CDK6: variants seen among roughly 807,000 people sequenced by gnomAD.
CDK6 encodes cyclin dependent kinase 6.
A neutral mutation model predicts 37.1 loss-of-function variants in CDK6; 6 were observed. The ratio of observed to expected loss-of-function variants is 0.16; its 90% CI spans 0.09 to 0.32. The LOEUF is 0.32. Ranked by LOEUF, CDK6 falls within the 10% of genes least tolerant of loss-of-function variation. The pLI, the probability that CDK6 is intolerant of heterozygous loss-of-function variation, is 1.00. For missense variants in CDK6, 224 were observed against 418.9 expected (o/e 0.53, Z 4.06); for synonymous variants, 160 against 161.3 (o/e 0.99, Z 0.06).
intron 4 of CDK6, among the ~76,000 whole-genome samples, chr7:92,674,516 T>A (rs903286812): frequency 4.6e-5 from 7 of 152,246 alleles, no homozygotes; most frequent in Non-Finnish European, 8.8e-5. Context: ...ACCAGTCATT[T>A]CCAAAAGGGA....
Position 92,774,702 on chromosome 7 carries a change from G to A in CDK6, c.363C>T (p.Thr121=), listed in dbSNP as rs142730003. 4 of 1,602,992 alleles carry A rather than the reference G, an allele frequency of 2.5e-6. No individual in the cohort carries two copies. The highest frequency in any genetic ancestry group is 2.6e-6 in the Non-Finnish European group (3 of 1,176,088). Residue 121 remains threonine (T), a synonymous_variant, in exon 3 of 8, where the codon ACC becomes ACT. Transcript: ENST00000424848. ...TGAAGATGATTCTTGATACCTTTAT[G>A]GTTTCAGTGGGCACTCCAGGCTCTG... is the stretch of plus-strand genomic sequence containing the variant. The part of the protein sequence containing the change: ...KVPEPGVPTE[T]IKDMMFQLLR...
chr7:92,663,654 T>C (rs1018470869), intron 5 of CDK6, among the ~76,000 whole-genome samples: 1 of 151,242 alleles, frequency 6.6e-6, no homozygotes, highest in East Asian at 2.0e-4. Flanking sequence ...TGAGCCGAGA[T>C]TGCACCACTG....
chr7:92,722,697 C>T (rs1307097833), intron 4 of CDK6, among the ~76,000 whole-genome samples: 2 of 152,188 alleles, frequency 1.3e-5, no homozygotes, highest in Non-Finnish European at 2.9e-5. Flanking sequence ...AGCTCCTTCT[C>T]TATTCCTGTT....
intron 2 of CDK6, among the ~76,000 whole-genome samples, chr7:92,803,857 A>G (rs1800655261): frequency 6.6e-6 from 1 of 152,236 alleles, no homozygotes; most frequent in Non-Finnish European, 1.5e-5. Context: ...GGTTAATATC[A>G]AACTATGACA....
chr7:92,708,342 C>T, intron 4 of CDK6, among the ~76,000 whole-genome samples: 1 of 152,138 alleles, frequency 6.6e-6, no homozygotes, highest in Middle Eastern at 3.2e-3. Context: ...TTACCAATTG[C>T]TATTTGGTGA....
chr7:92,644,582 G>C (rs768214337), intron 5 of CDK6, among the ~76,000 whole-genome samples: 3 of 152,128 alleles, frequency 2.0e-5, no homozygotes, highest in Non-Finnish European at 4.4e-5. Context: ...TGTGAAATCT[G>C]CTCCTGATGC....
In CDK6 at chr7:92,605,150, C is replaced by T. The variant is rs1295065993; in HGVS notation, c.*9990G>A. 8.6e-6 allele frequency: 2 copies of T among 232,838 alleles called. No homozygotes were observed. The highest frequency in any genetic ancestry group is 1.8e-4 in the South Asian group (1 of 5,522). The allele number at this position is 232,838 out of a possible 1,614,324, so 14.4% of individuals were successfully genotyped here. A position where few individuals can be genotyped will look rare whatever the true frequency, so the allele number is the denominator to read the frequency against. On this transcript the variant is annotated 3_prime_UTR_variant, in exon 8 of 8. Transcript: ENST00000424848. ...TTTGCCTCATTCAATTTAGCTTTCA[C>T]ATAAGTGAACACATTGGACAGTGAT...
chr7:92,688,581 T>TCACACACACACACACACACA (rs35953301), intron 4 of CDK6, among the ~76,000 whole-genome samples: 1 of 127,506 alleles, frequency 7.8e-6, no homozygotes, highest in Non-Finnish European at 1.7e-5. Flanking sequence ...TACATATACA[T>TCACACACACACACACACACA]CACACACACA....
At position 92,652,516 on chromosome 7, in the gene CDK6, C is replaced by G. The variant is rs186644022; in HGVS notation, c.647+18910G>C. ...GTCATACTTAATTAGACTTTTAAATCTGATGGTACACTCTGCCTGAAGCTT... is the reference window on the plus strand; with the variant it reads ...GTCATACTTAATTAGACTTTTAAATGTGATGGTACACTCTGCCTGAAGCTT... On this transcript the variant is annotated intron_variant, in intron 5 of 7. Transcript: ENST00000424848. Among the ~76,000 whole-genome samples, 142 of 152,240 alleles carry G rather than the reference C, an allele frequency of 9.3e-4. 1 individual carries two copies. Among genetic ancestry groups the G allele is most frequent in the African/African-American group, 3.2e-3 (133 of 41,530 alleles).
chr7:92,677,038 A>G (rs1797221526), intron 4 of CDK6, among the ~76,000 whole-genome samples: 1 of 152,006 alleles, frequency 6.6e-6, no homozygotes, highest in Non-Finnish European at 1.5e-5. Context: ...ATCACTTCAC[A>G]TTTAATAAGT....
intron 4 of CDK6, among the ~76,000 whole-genome samples, chr7:92,676,951 C>T (rs1446199369): frequency 1.0e-4 from 15 of 146,114 alleles, no homozygotes; most frequent in African/African-American, 3.5e-4. Flanking sequence ...AGAGAGACTC[C>T]GTCTCAAAAA....
At chr7:92,682,763 T>C (rs764983349) in intron 4 of CDK6, among the ~76,000 whole-genome samples, 1 of 152,230 alleles carries the variant, frequency 6.6e-6, no homozygotes, top group Non-Finnish European at 1.5e-5. Flanking sequence ...GCCATAGTTG[T>C]GTCCCCATGT....
At chr7:92,795,055 CTCTT>C (rs1351818713) in intron 2 of CDK6, among the ~76,000 whole-genome samples, 5 of 152,066 alleles carry the variant, frequency 3.3e-5, no homozygotes, top group Non-Finnish European at 7.4e-5. Flanking sequence ...TTTTCATTTT[CTCTT>C]TGTCTCATTA....
intron 5 of CDK6, among the ~76,000 whole-genome samples, chr7:92,646,458 C>T (rs1204990488): frequency 4.0e-5 from 6 of 149,596 alleles, no homozygotes; most frequent in African/African-American, 7.4e-5. Flanking sequence ...AGTGCAGTGG[C>T]GCGATCTCGG....
intron 4 of CDK6, among the ~76,000 whole-genome samples, chr7:92,688,438 C>T (rs7781436): frequency 0.85 from 129,889 of 152,200 alleles, 55,903 homozygotes; most frequent in African/African-American, 0.96. Flanking sequence ...TCTTAAACTA[C>T]TGTGTGACTC....
rs1212094713 is a variant in CDK6, at chr7:92,609,817, T to C, written c.*5323A>G. 4.3e-6 allele frequency: 1 copy of C among 230,618 alleles called. No individual in the cohort carries two copies. The highest frequency in any genetic ancestry group is 8.6e-6 in the Non-Finnish European group (1 of 116,512). The allele number at this position is 230,618 out of a possible 1,614,324, so 14.3% of individuals were successfully genotyped here. A position where few individuals can be genotyped will look rare whatever the true frequency, so the allele number is the denominator to read the frequency against. On this transcript the variant is annotated 3_prime_UTR_variant, in exon 8 of 8. Coordinates refer to ENST00000424848, the MANE Select transcript of CDK6 (RefSeq NM_001145306.2). Reference sequence around the variant, plus strand: ...GTAACTGGGTACTTCAAAAATTTTTTCTTGACTGAATGAATGACTAGGCTT... The same window carrying C: ...GTAACTGGGTACTTCAAAAATTTTTCCTTGACTGAATGAATGACTAGGCTT...
chr7:92,688,586 C>CAA (rs1797522153), intron 4 of CDK6, among the ~76,000 whole-genome samples: 1 of 109,876 alleles, frequency 9.1e-6, no homozygotes, highest in African/African-American at 4.2e-5. Flanking sequence ...ATACATCACA[C>CAA]ACACACACAC....
intron 5 of CDK6, among the ~76,000 whole-genome samples, chr7:92,662,477 T>C (rs1285042755): frequency 6.6e-6 from 1 of 152,216 alleles, no homozygotes; most frequent in East Asian, 1.9e-4. Flanking sequence ...GTGCTCTAGT[T>C]GCTCTTATTT....
intron 3 of CDK6, among the ~76,000 whole-genome samples, chr7:92,751,576 G>A (rs967626727): frequency 2.6e-5 from 4 of 152,070 alleles, no homozygotes; most frequent in Non-Finnish European, 4.4e-5. Context: ...TATCACATAC[G>A]CAGTTTTATT....
Sources: gnomAD v4.1 joint callset for allele counts (sites outside exome capture counted in the v4.1 genomes callset) on GRCh38, gnomAD v4.1.1 for gene constraint, MANE v1.5 for transcripts, NCBI Gene and HGNC (gene_info 2026-07-23, HGNC 2026-07-21) for gene names.